The following PLEKHM1 variants were observed in gnomAD, a reference collection of about 807,000 sequenced individuals.
PLEKHM1 encodes pleckstrin homology and RUN domain containing M1.
Under a neutral mutation model 94.3 loss-of-function variants are expected in PLEKHM1, and 28 were observed. The observed-to-expected ratio is 0.30, with a 90% confidence interval of 0.22 to 0.41. The LOEUF is 0.41. Ranked by LOEUF, PLEKHM1 falls within the 10% of genes least tolerant of loss-of-function variation. The probability of loss-of-function intolerance (pLI) is 1.00; values close to 1 mark genes in which losing one functional copy is unlikely to be tolerated. For synonymous variants in PLEKHM1, 424 were observed against 581.2 expected (o/e 0.73, Z 3.89); for missense variants, 907 against 1,358.6 (o/e 0.67, Z 5.22).
chr17:45,455,792 G>C (rs1479454319), intron 6 of PLEKHM1, among the ~76,000 whole-genome samples: 1 of 152,100 alleles, frequency 6.6e-6, no homozygotes, highest in Non-Finnish European at 1.5e-5. Flanking sequence ...CTTCTCCCCT[G>C]TAGTCCCTCA....
chr17:45,485,376 T>C (rs1338592435), intron 1 of PLEKHM1, among the ~76,000 whole-genome samples: 1 of 152,046 alleles, frequency 6.6e-6, no homozygotes, highest in East Asian at 1.9e-4. Context: ...CCTGAGGCCC[T>C]CAGGCCCACC....
At chr17:45,461,562 T>A (rs2051152837) in intron 5 of PLEKHM1, among the ~76,000 whole-genome samples, 1 of 152,204 alleles carries the variant, frequency 6.6e-6, no homozygotes, top group South Asian at 2.1e-4. Context: ...TTAGTTTTTG[T>A]GTAAGGTGTA....
chr17:45,463,223 T>C (rs534166620), intron 5 of PLEKHM1, among the ~76,000 whole-genome samples: 28 of 152,258 alleles, frequency 1.8e-4, no homozygotes, highest in Admixed American at 1.5e-3. Context: ...GAACATCTTT[T>C]ACTCTCTTAA....
chr17:45,439,424 T>C (rs1312043019), intron 11 of PLEKHM1, 53 bp downstream of exon 11: 3 of 1,600,678 alleles, frequency 1.9e-6, no homozygotes, highest in Non-Finnish European at 2.6e-6. Flanking sequence ...GGCCAGGCTG[T>C]GGGTGTGGGG....
intron 4 of PLEKHM1, among the ~76,000 whole-genome samples, chr17:45,473,158 CAG>C (rs1257071541): frequency 2.6e-5 from 4 of 152,002 alleles, no homozygotes; most frequent in Non-Finnish European, 4.4e-5. Flanking sequence ...GTTTATGGAA[CAG>C]AGATAGCTAC....
chr17:45,438,890 C>A (rs1474475962), intron 11 of PLEKHM1, among the ~76,000 whole-genome samples: 3 of 152,230 alleles, frequency 2.0e-5, no homozygotes, highest in East Asian at 3.9e-4. Flanking sequence ...CAGCCCCAGG[C>A]CCATTCAGGG....
chr17:45,441,323 C>T (rs768354188), intron 9 of PLEKHM1, among the ~76,000 whole-genome samples: 3 of 152,162 alleles, frequency 2.0e-5, no homozygotes, highest in Non-Finnish European at 4.4e-5. Flanking sequence ...CAGCTGGTGG[C>T]TCAGCTGTGG....
chr17:45,458,777 T>G (rs927282937), intron 5 of PLEKHM1, among the ~76,000 whole-genome samples: 42 of 147,912 alleles, frequency 2.8e-4, no homozygotes, highest in Non-Finnish European at 6.0e-4. Flanking sequence ...AGCCTGAAGT[T>G]TTTTTTTTTT....
intron 7 of PLEKHM1, among the ~76,000 whole-genome samples, chr17:45,451,721 A>C (rs1448363229): frequency 6.6e-6 from 1 of 151,862 alleles, no homozygotes; most frequent in African/African-American, 2.4e-5. Context: ...TAGAAAGGAA[A>C]CCCAAACTCC....
Position 45,458,419 on chromosome 17 carries a change from T to C in PLEKHM1, c.1329A>G (p.Ser443=). ...PTSPKNKSWI[S]EDDFYRPSRE... ...GGGAAGGCCGGTAGAAGTCATCCTC[T>C]GAGATCCAGCTCTTGTTTTTCTGTT... The change falls in exon 6 of 12, where the codon TCA becomes TCG. Residue 443 remains serine, a synonymous_variant. Coordinates refer to ENST00000430334, the MANE Select transcript of PLEKHM1 (RefSeq NM_014798.3). The C allele has an allele frequency of 6.2e-7, 1 of 1,613,720 alleles. No homozygotes were observed. Among genetic ancestry groups the C allele is most frequent in the Non-Finnish European group, 8.5e-7 (1 of 1,179,584 alleles).
At position 45,453,896 on chromosome 17, in the gene PLEKHM1, C is replaced by G. The variant is rs758646952; in HGVS notation, c.1956G>C (p.Gln652His). The G allele has an allele frequency of 9.9e-6, 16 of 1,613,726 alleles. No individual in the cohort carries two copies. In the South Asian group the frequency reaches 1.5e-4, roughly 16 times the overall value. Residue 652 changes from glutamine to histidine, a missense_variant, in exon 7 of 12, where the codon CAG becomes CAC. Gln to His is a conservative substitution (Grantham distance 24). Around this residue, in one of 3 missense-constraint regions of PLEKHM1, gnomAD observed 477 missense variants for 601.5 expected, o/e 0.79. Coordinates refer to ENST00000430334, the MANE Select transcript of PLEKHM1 (RefSeq NM_014798.3). The surrounding 1 kb of genome is among the most constrained non-coding windows in gnomAD (Gnocchi z 4.1). Reference protein sequence around the residue: ...DQPEEPPEAPQGCLSPSDLLS... With the variant: ...DQPEEPPEAPHGCLSPSDLLS... ...GCAGGTCTGAGGGAGAGAGGCAGCC[C>G]TGGGGCGCCTCGGGGGGTTCCTCAG...
At position 45,437,382 on chromosome 17, in the gene PLEKHM1, G is replaced by A. The variant is rs976266049; in HGVS notation, c.*476C>T. The A allele has an allele frequency of 2.2e-6, 1 of 454,384 alleles. No individual in the cohort carries two copies. Among genetic ancestry groups the A allele is most frequent in the Middle Eastern group, 6.9e-4 (1 of 1,444 alleles). The allele number at this position is 454,384 out of a possible 1,614,324, so 28.1% of individuals were successfully genotyped here. Reference sequence around the variant, plus strand: ...AGTGGCTCCTGTGCATCCGCTGGGGGTGAGAATGTCTGGATTTCATGGGTG... The same window carrying A: ...AGTGGCTCCTGTGCATCCGCTGGGGATGAGAATGTCTGGATTTCATGGGTG... On this transcript the variant is annotated 3_prime_UTR_variant, in exon 12 of 12. Coordinates refer to ENST00000430334, the MANE Select transcript of PLEKHM1 (RefSeq NM_014798.3). This position sits in a 1 kb window ranked among gnomAD's most constrained non-coding sequence, Gnocchi z 4.0.
chr17:45,483,988 C>T (rs2868653), intron 1 of PLEKHM1, among the ~76,000 whole-genome samples: 2 of 152,234 alleles, frequency 1.3e-5, no homozygotes, highest in African/African-American at 2.4e-5. Context: ...GGCCATGACA[C>T]GAAGTGGGGC....
intron 1 of PLEKHM1, among the ~76,000 whole-genome samples, chr17:45,488,502 A>G (rs950928523): frequency 6.6e-6 from 1 of 152,214 alleles, no homozygotes; most frequent in African/African-American, 2.4e-5. Flanking sequence ...AGCTCCTGTC[A>G]TTAAGCCAAG....
In PLEKHM1 at chr17:45,458,289, T is replaced by C. The variant is rs1185006268; in HGVS notation, c.1459A>G (p.Lys487Glu). The change falls in exon 6 of 12, where the codon AAA becomes GAA. Residue 487 changes from lysine (K) to glutamate (E), a missense_variant. Around this residue, in one of 3 missense-constraint regions of PLEKHM1, gnomAD observed 477 missense variants for 601.5 expected, o/e 0.79. Coordinates refer to ENST00000430334, the MANE Select transcript of PLEKHM1 (RefSeq NM_014798.3). The part of the protein sequence containing the change: ...LHRHFSQEPR[K>E]NCSLGALDQA... Reference sequence around the variant, plus strand: ...TCTAACGCCCCCAGGGAGCAGTTTTTTCTTGGTTCTTGAGAAAAATGCCTG... The same window carrying C: ...TCTAACGCCCCCAGGGAGCAGTTTTCTCTTGGTTCTTGAGAAAAATGCCTG... The C allele has an allele frequency of 9.3e-6, 15 of 1,612,782 alleles. No individual in the cohort carries two copies. Among genetic ancestry groups the C allele is most frequent in the Non-Finnish European group, 1.3e-5 (15 of 1,179,328 alleles).
rs1183683276 is a variant in PLEKHM1, at chr17:45,439,584, G to A, written c.2952C>T (p.Ala984=). Residue 984 remains alanine, a synonymous_variant, in exon 11 of 12, where the codon GCC becomes GCT. Coordinates refer to ENST00000430334, the MANE Select transcript of PLEKHM1 (RefSeq NM_014798.3). ...EGFLKALIEF[A]SQHVYHCDLC... is the part of the protein sequence containing the mutation. ...GGTCGCAGTGGTAGACATGCTGGGA[G>A]GCAAATTCAATCAGGGCCTTGAGGA... 1.2e-6 allele frequency: 2 copies of A among 1,614,074 alleles called. No individual in the cohort carries two copies. Among genetic ancestry groups the A allele is most frequent in the African/African-American group, 1.3e-5 (1 of 74,932 alleles).
Position 45,445,673 on chromosome 17 carries a change from C to T in PLEKHM1, c.2644-10G>A, listed in dbSNP as rs756236925. 1 of 1,613,166 alleles carries T rather than the reference C, an allele frequency of 6.2e-7. No individual in the cohort carries two copies. The highest frequency in any genetic ancestry group is 2.2e-5 in the East Asian group (1 of 44,878). On this transcript the variant is annotated splice_polypyrimidine_tract_variant and intron_variant, in intron 8 of 11. Transcript: ENST00000430334. This position sits in a 1 kb window ranked among gnomAD's most constrained non-coding sequence, Gnocchi z 4.2. ...GGGCCTGCCTGCAGATCTGGGGGTA[C>T]CACCAGGCATTGGGGATGGGAAGGA...
chr17:45,475,916 G>A, intron 3 of PLEKHM1, 190 bp from the exon 4 acceptor site: 1 of 680,642 alleles, frequency 1.5e-6, no homozygotes, highest in South Asian at 1.7e-5. Flanking sequence ...GGGAGGCCAA[G>A]GCAGGTGGAT....
chr17:45,439,996 C>T, intron 10 of PLEKHM1, 167 bp downstream of exon 10: 1 of 697,304 alleles, frequency 1.4e-6, no homozygotes, highest in Non-Finnish European at 2.6e-6. Context: ...TCCGTCCCTG[C>T]CCAGGAAGCT....
Sources: allele counts gnomAD v4.1 joint callset (sites outside exome capture counted in the v4.1 genomes callset), GRCh38; gene constraint gnomAD v4.1.1; regional missense constraint gnomAD v4.1.1; non-coding constraint Gnocchi (gnomAD v3.1); transcripts MANE v1.5; gene names NCBI Gene and HGNC (gene_info 2026-07-23, HGNC 2026-07-21).